CRADD: variants seen among roughly 807,000 people sequenced by gnomAD.
The protein encoded by CRADD is death domain-containing protein CRADD.
Under a neutral mutation model 15.5 loss-of-function variants are expected in CRADD, and 9 were observed. The ratio of observed to expected loss-of-function variants is 0.58; its 90% CI spans 0.35 to 1.01. The LOEUF is 1.01. CRADD is among the 50% of genes least tolerant of loss of function. The pLI is 0.02. For missense variants in CRADD, 227 were observed against 250.3 expected, an observed-to-expected ratio of 0.91 and a Z score of 0.63; for synonymous variants, 118 against 107.6, an observed-to-expected ratio of 1.10 and a Z score of -0.60.
intron 2 of CRADD, among the ~76,000 whole-genome samples, chr12:93,825,056 G>C (rs1215674051): frequency 1.3e-5 from 2 of 152,184 alleles, no homozygotes; most frequent in Admixed American, 1.3e-4. Flanking sequence ...ACTATTTGAT[G>C]AGGGCAGTTT....
chr12:93,693,794 A>G (rs1271706625), intron 2 of CRADD, among the ~76,000 whole-genome samples: 1 of 152,134 alleles, frequency 6.6e-6, no homozygotes, highest in East Asian at 1.9e-4. Context: ...TCAAGAATAC[A>G]TATTTTGATT....
intron 2 of CRADD, among the ~76,000 whole-genome samples, chr12:93,818,485 C>T (rs902317125): frequency 3.3e-5 from 5 of 152,172 alleles, no homozygotes; most frequent in African/African-American, 1.2e-4. Flanking sequence ...GGCCAGGTGA[C>T]CTGTGTCTTC....
intron 2 of CRADD, among the ~76,000 whole-genome samples, chr12:93,877,513 G>A (rs988158343): frequency 5.9e-5 from 9 of 152,332 alleles, no homozygotes; most frequent in South Asian, 4.1e-4. Flanking sequence ...GTATTCTGTT[G>A]TACTGCAGCT....
At chr12:93,757,598 G>A (rs1014847699) in intron 2 of CRADD, among the ~76,000 whole-genome samples, 1 of 152,150 alleles carries the variant, frequency 6.6e-6, no homozygotes, top group African/African-American at 2.4e-5. Flanking sequence ...TCGTTTTTCT[G>A]TTCCAAATTT....
chr12:93,695,218 A>G (rs1020040158), intron 2 of CRADD, among the ~76,000 whole-genome samples: 3 of 152,216 alleles, frequency 2.0e-5, no homozygotes, highest in African/African-American at 7.2e-5. Context: ...CACACTGGAG[A>G]AAGGACAGTC....
chr12:93,794,210 C>A (rs1043615645), intron 2 of CRADD, among the ~76,000 whole-genome samples: 5 of 152,152 alleles, frequency 3.3e-5, no homozygotes, highest in African/African-American at 1.2e-4. Context: ...TCCAATGCTT[C>A]ATCCTTGGGT....
At chr12:93,796,459 G>T (rs1295553403) in intron 2 of CRADD, among the ~76,000 whole-genome samples, 3 of 151,954 alleles carry the variant, frequency 2.0e-5, no homozygotes, top group Non-Finnish European at 4.4e-5. Flanking sequence ...ACAAAAATTG[G>T]CAGGGCATGG....
In CRADD at chr12:93,812,115, A is replaced by G. The variant is rs78579401; in HGVS notation, c.299-37855A>G. Among the ~76,000 whole-genome samples, 1,402 of 152,286 alleles carry G rather than the reference A, an allele frequency of 9.2e-3. 26 individuals carry two copies. The highest frequency in any genetic ancestry group is 0.029 in the African/African-American group (1,184 of 41,542). ...ATCAGTGATTGCCAGGCCTTCGGGG[A>G]AGGGAGTAAGGGATGAGTTGATGAA... On this transcript the variant is annotated intron_variant, in intron 2 of 2. Transcript: ENST00000332896.
At chr12:93,860,120 G>T (rs1041089493) in intron 2 of CRADD, among the ~76,000 whole-genome samples, 1 of 137,478 alleles carries the variant, frequency 7.3e-6, no homozygotes, top group Admixed American at 7.4e-5. Flanking sequence ...ACTTTTAAGA[G>T]GCCAACGCAA....
At chr12:93,704,832 C>T (rs886387086) in intron 2 of CRADD, among the ~76,000 whole-genome samples, 3 of 152,158 alleles carry the variant, frequency 2.0e-5, no homozygotes, top group East Asian at 1.9e-4. Context: ...TCACTCCAGT[C>T]GGCCAAGTCA....
Position 93,679,056 on chromosome 12 carries a change from G to A in CRADD, c.282G>A (p.Met94Ile). The A allele has an allele frequency of 6.2e-7, 1 of 1,612,990 alleles. No individual in the cohort carries two copies. The highest frequency in any genetic ancestry group is 8.5e-7 in the Non-Finnish European group (1 of 1,179,204). The change falls in exon 2 of 3, where the codon ATG becomes ATA. Residue 94 changes from methionine (M) to isoleucine (I), a missense_variant. Coordinates refer to ENST00000332896, the MANE Select transcript of CRADD (RefSeq NM_003805.5). ...EKLKKAREEA[M>I]TDLPAGDRLT... is the part of the protein sequence containing the mutation. ...TGAAGAAGGCAAGGGAAGAGGCCAT[G>A]ACCGACCTGCCTGCAGGTAGGCCTC... is the stretch of plus-strand genomic sequence containing the variant.
intron 2 of CRADD, among the ~76,000 whole-genome samples, chr12:93,834,069 T>G (rs575619381): frequency 2.6e-5 from 4 of 152,166 alleles, no homozygotes; most frequent in African/African-American, 9.6e-5. Flanking sequence ...GTTAATGTGG[T>G]GGGCGCATAA....
At chr12:93,744,532 C>T (rs951341356) in intron 2 of CRADD, among the ~76,000 whole-genome samples, 9 of 152,176 alleles carry the variant, frequency 5.9e-5, no homozygotes, top group Non-Finnish European at 1.2e-4. Flanking sequence ...CTTGCAGTGT[C>T]CCTTCATAGC....
At chr12:93,807,821 G>A (rs1025177843) in intron 2 of CRADD, among the ~76,000 whole-genome samples, 20 of 151,544 alleles carry the variant, frequency 1.3e-4, no homozygotes, top group African/African-American at 2.9e-4. Context: ...AGTATTTATC[G>A]GGTGCCTGCT....
At chr12:93,809,536 C>T (rs2137006027) in intron 2 of CRADD, among the ~76,000 whole-genome samples, 1 of 152,256 alleles carries the variant, frequency 6.6e-6, no homozygotes, top group South Asian at 2.1e-4. Context: ...ATCACAAAAT[C>T]CCTTCCTTCT....
intron 2 of CRADD, among the ~76,000 whole-genome samples, chr12:93,758,297 T>G (rs1956913652): frequency 6.6e-6 from 1 of 152,196 alleles, no homozygotes; most frequent in Non-Finnish European, 1.5e-5. Context: ...ATGAGAGTTT[T>G]CCCCATTGCT....
chr12:93,774,252 A>G (rs916063626), intron 2 of CRADD, among the ~76,000 whole-genome samples: 1 of 152,168 alleles, frequency 6.6e-6, no homozygotes. Flanking sequence ...ATATAGTAAT[A>G]CTTGTTGAAT....
At chr12:93,889,196 T>C (rs733752) in intron 2 of CRADD, among the ~76,000 whole-genome samples, 9,812 of 152,218 alleles carry the variant, frequency 0.064, 549 homozygotes, top group East Asian at 0.34. Context: ...TCGGACCATA[T>C]GCAAGTAATT....
At chr12:93,769,932 A>T (rs1332528046) in intron 2 of CRADD, among the ~76,000 whole-genome samples, 1 of 151,780 alleles carries the variant, frequency 6.6e-6, no homozygotes, top group Non-Finnish European at 1.5e-5. Context: ...GTCTTCTTCC[A>T]CTCTGTGGCT....
Sources: allele counts gnomAD v4.1 joint callset (sites outside exome capture counted in the v4.1 genomes callset), GRCh38; gene constraint gnomAD v4.1.1; transcripts MANE v1.5; gene names NCBI Gene and HGNC (gene_info 2026-07-23, HGNC 2026-07-21).